The following PRPF6 variants were observed in gnomAD, a reference collection of about 807,000 sequenced individuals.
PRPF6 encodes pre-mRNA processing factor 6.
PRPF6 carries 42 observed loss-of-function variants against 118.3 expected under a neutral mutation model. The ratio of observed to expected loss-of-function variants is 0.35; its 90% CI spans 0.28 to 0.46. PRPF6 has a LOEUF of 0.46. PRPF6 is among the 20% of genes least tolerant of loss of function. The pLI is 1.00. For synonymous variants in PRPF6, 481 were observed against 485.1 expected (o/e 0.99, Z 0.11); for missense variants, 662 against 1,255.7 (o/e 0.53, Z 7.15).
At chr20:64,013,943 T>C (rs927254044) in intron 11 of PRPF6, among the ~76,000 whole-genome samples, 2 of 146,608 alleles carry the variant, frequency 1.4e-5, no homozygotes, top group Admixed American at 6.9e-5. Context: ...TTTGTTTTTG[T>C]TTTTTTTTTG....
chr20:64,025,041 G>T (rs188645585), intron 14 of PRPF6, among the ~76,000 whole-genome samples: 4 of 152,296 alleles, frequency 2.6e-5, no homozygotes, highest in Admixed American at 2.6e-4. Flanking sequence ...GTTGTCATGA[G>T]GGGGGTGTGT....
At chr20:64,003,420 A>G (rs974109776) in intron 9 of PRPF6, among the ~76,000 whole-genome samples, 8 of 152,164 alleles carry the variant, frequency 5.3e-5, no homozygotes, top group Non-Finnish European at 1.0e-4. Context: ...AAAGCCCCTT[A>G]TCAAATATAG....
chr20:64,007,549 C>T (rs1297154621), intron 9 of PRPF6, among the ~76,000 whole-genome samples: 1 of 151,386 alleles, frequency 6.6e-6, no homozygotes, highest in Non-Finnish European at 1.5e-5. Context: ...TCACTGCAAC[C>T]TCCACCTCCT....
chr20:63,986,569 ACCT>A (rs1481744135), intron 3 of PRPF6, among the ~76,000 whole-genome samples: 1 of 147,306 alleles, frequency 6.8e-6, no homozygotes, highest in East Asian at 2.2e-4. Context: ...GCTCACTGCA[ACCT>A]CCACCTCCTG....
At chr20:64,005,068 T>C (rs1287332075) in intron 9 of PRPF6, among the ~76,000 whole-genome samples, 1 of 152,168 alleles carries the variant, frequency 6.6e-6, no homozygotes, top group Non-Finnish European at 1.5e-5. Context: ...ACTCTTCTGT[T>C]CTAGGCCAAC....
Position 64,027,415 on chromosome 20 carries a change from G to A in PRPF6, c.2206-188G>A, listed in dbSNP as rs984937107. On this transcript the variant is annotated intron_variant, in intron 16 of 20. Coordinates refer to ENST00000266079, the MANE Select transcript of PRPF6 (RefSeq NM_012469.4). This position sits in a 1 kb window ranked among gnomAD's most constrained non-coding sequence, Gnocchi z 6.5. Reference sequence around the variant, plus strand: ...AGTAAAGGCTGGTACGTACAGACCTGTGTGCACAGGTCCACAGCACCACCG... The same window carrying A: ...AGTAAAGGCTGGTACGTACAGACCTATGTGCACAGGTCCACAGCACCACCG... 6.6e-6 allele frequency among the ~76,000 whole-genome samples: 1 copy of A among 152,190 alleles called. No homozygotes were observed. The highest frequency in any genetic ancestry group is 6.5e-5 in the Admixed American group (1 of 15,284).
chr20:63,998,202 C>A (rs184343181), intron 6 of PRPF6, among the ~76,000 whole-genome samples: 1 of 151,870 alleles, frequency 6.6e-6, no homozygotes, highest in African/African-American at 2.4e-5. Flanking sequence ...TCATGTGATT[C>A]TCCTGCCTCA....
chr20:63,992,713 AT>A (rs1305592052), intron 3 of PRPF6, among the ~76,000 whole-genome samples: 1 of 151,898 alleles, frequency 6.6e-6, no homozygotes, highest in Non-Finnish European at 1.5e-5. Flanking sequence ...GGATAATTGA[AT>A]TAGTAGACTT....
At chr20:63,982,427 C>G (rs1045994854) in intron 1 of PRPF6, among the ~76,000 whole-genome samples, 1 of 152,196 alleles carries the variant, frequency 6.6e-6, no homozygotes, top group Non-Finnish European at 1.5e-5. Context: ...GCCTCCGTCT[C>G]CCAAAGTGCT....
intron 3 of PRPF6, among the ~76,000 whole-genome samples, chr20:63,992,898 G>T (rs2059124712): frequency 6.6e-6 from 1 of 151,832 alleles, no homozygotes; most frequent in African/African-American, 2.4e-5. Context: ...GCCCAGCTAA[G>T]AATGTATTCA....
intron 11 of PRPF6, among the ~76,000 whole-genome samples, chr20:64,014,225 C>A (rs1385582314): frequency 6.6e-6 from 1 of 152,134 alleles, no homozygotes; most frequent in African/African-American, 2.4e-5. Context: ...CAAGCGTGAG[C>A]CACCGTGCCT....
chr20:64,012,982 G>A (rs2059221366), intron 11 of PRPF6, among the ~76,000 whole-genome samples: 2 of 148,396 alleles, frequency 1.3e-5, no homozygotes, highest in South Asian at 4.3e-4. Context: ...TTTTTGAGAG[G>A]GAGTCTTTCT....
chr20:64,022,684 T>G, intron 12 of PRPF6, 73 bp from the exon 13 acceptor site: 1 of 1,597,562 alleles, frequency 6.3e-7, no homozygotes. Flanking sequence ...CGTATGAGCC[T>G]GGGGAGGGCA....
At chr20:63,986,956 C>A (rs2059096860) in intron 3 of PRPF6, among the ~76,000 whole-genome samples, 1 of 150,116 alleles carries the variant, frequency 6.7e-6, no homozygotes, top group African/African-American at 2.5e-5. Context: ...ACTGCTTGAT[C>A]TCAGGAGTTT....
chr20:64,014,995 G>A (rs921780417), intron 11 of PRPF6, among the ~76,000 whole-genome samples: 1 of 152,164 alleles, frequency 6.6e-6, no homozygotes. Flanking sequence ...CCTCCATGTT[G>A]TAGCATGGAG....
At chr20:63,985,326 T>C (rs1333480374) in intron 3 of PRPF6, among the ~76,000 whole-genome samples, 1 of 151,456 alleles carries the variant, frequency 6.6e-6, no homozygotes, top group South Asian at 2.1e-4. Context: ...TCCAGCCTGG[T>C]TGGCATAGTG....
At position 63,981,193 on chromosome 20, in the gene PRPF6, C is replaced by T. The variant is rs977850122; in HGVS notation, c.-53C>T. On this transcript the variant is annotated 5_prime_UTR_variant, in exon 1 of 21. Transcript: ENST00000266079. ...GAAGCCTAGAGTCTCTGCGTCTTTC[C>T]CTCTTCCGCTGCCTCATTCCTTTCC... 7.4e-5 allele frequency: 114 copies of T among 1,546,132 alleles called. 2 individuals are homozygous for T. In the Admixed American group the frequency reaches 2.1e-3, roughly 28 times the overall value.
chr20:63,985,284 A>C (rs755701269), intron 3 of PRPF6, among the ~76,000 whole-genome samples: 1 of 151,946 alleles, frequency 6.6e-6, no homozygotes, highest in Non-Finnish European at 1.5e-5. Flanking sequence ...GTTTAAGCCC[A>C]GGAGGTAGAA....
rs533006103 is a variant in PRPF6 at position 64,032,688 on chromosome 20, C to A, written c.2674-153C>A. ...CCTTTGAGGAACACACCTGAAAGAG[C>A]CTTGCCTTCCGGTGCAGGGCCTGTG... On this transcript the variant is annotated intron_variant, in intron 20 of 20. Transcript: ENST00000266079. Among the ~76,000 whole-genome samples the A allele has an allele frequency of 2.8e-4, 43 of 152,378 alleles. No individual in the cohort carries two copies. The South Asian group carries it at 8.9e-3, about 32-fold the overall frequency.
Sources: gnomAD v4.1 joint callset for allele counts (sites outside exome capture counted in the v4.1 genomes callset) on GRCh38, gnomAD v4.1.1 for gene constraint, Gnocchi (gnomAD v3.1) non-coding constraint, MANE v1.5 for transcripts, NCBI Gene and HGNC (gene_info 2026-07-23, HGNC 2026-07-21) for gene names.